The following NDST3 variants were observed in gnomAD, a reference collection of about 807,000 sequenced individuals.
NDST3 encodes the protein bifunctional heparan sulfate N-deacetylase/N-sulfotransferase 3.
NDST3 carries 58 observed loss-of-function variants against 96.1 expected under a neutral mutation model. The ratio of observed to expected loss-of-function variants is 0.60; its 90% CI spans 0.49 to 0.75. The LOEUF is 0.75. Among genes scored for constraint, NDST3 ranks in the 30% least tolerant of loss-of-function variants. The pLI, the probability that NDST3 is intolerant of heterozygous loss-of-function variation, is 0.00. For missense variants in NDST3, 788 were observed against 1,034.2 expected, an observed-to-expected ratio of 0.76 and a Z score of 3.27; for synonymous variants, 333 against 359.7, an observed-to-expected ratio of 0.93 and a Z score of 0.84.
At chr4:118,110,861 C>T (rs982792419) in intron 3 of NDST3, among the ~76,000 whole-genome samples, 3 of 152,040 alleles carry the variant, frequency 2.0e-5, no homozygotes, top group Admixed American at 2.0e-4. Context: ...GACACATGTA[C>T]TCACATGTTC....
chr4:118,252,620 G>C (rs1195517700), intron 12 of NDST3, among the ~76,000 whole-genome samples: 1 of 152,194 alleles, frequency 6.6e-6, no homozygotes, highest in Non-Finnish European at 1.5e-5. Context: ...GCTGGGCACA[G>C]TGGCTCACGC....
chr4:118,147,007 T>A (rs1439055696), intron 6 of NDST3, among the ~76,000 whole-genome samples: 2 of 152,206 alleles, frequency 1.3e-5, no homozygotes, highest in Non-Finnish European at 2.9e-5. Context: ...TAATTTGCAA[T>A]ATAATTTTAT....
chr4:118,076,704 G>A (rs967113677), intron 2 of NDST3, among the ~76,000 whole-genome samples: 3 of 151,990 alleles, frequency 2.0e-5, no homozygotes, highest in African/African-American at 7.2e-5. Context: ...TTGTTTTGTT[G>A]TATTCCTTAG....
Position 118,233,072 on chromosome 4 carries a change from G to A in NDST3, c.1880G>A (p.Ser627Asn), listed in dbSNP as rs1348281605. 2 of 1,612,760 alleles carry A rather than the reference G, an allele frequency of 1.2e-6. No homozygotes were observed. The highest frequency in any genetic ancestry group is 2.7e-5 in the African/African-American group (2 of 74,834). Residue 627 changes from serine (S) to asparagine (N), a missense_variant, in exon 9 of 14, where the codon AGC (serine) becomes AAC (asparagine). By Grantham distance (46) the Ser-to-Asn change is conservative. Around this residue, in one of 3 missense-constraint regions of NDST3, gnomAD observed 490 missense variants for 708.8 expected, o/e 0.69. Transcript: ENST00000296499. Reference sequence around the variant, plus strand: ...CCTTCCATCCTTAGTAACTCCCCCAGCCCAAAAACCTTTGAGGAGGTACAG... The same window carrying A: ...CCTTCCATCCTTAGTAACTCCCCCAACCCAAAAACCTTTGAGGAGGTACAG... ...MHPSILSNSP[S>N]PKTFEEVQFF...
At chr4:118,223,020 A>G (rs1251046802) in intron 6 of NDST3, among the ~76,000 whole-genome samples, 2 of 152,004 alleles carry the variant, frequency 1.3e-5, no homozygotes, top group African/African-American at 2.4e-5. Flanking sequence ...ATAAAGCAAG[A>G]AATTTGAACT....
At chr4:118,253,315 A>T (rs927929764) in intron 12 of NDST3, among the ~76,000 whole-genome samples, 184 bp from the exon 13 acceptor site, 4 of 152,228 alleles carry the variant, frequency 2.6e-5, no homozygotes, top group African/African-American at 9.6e-5. Context: ...ATTTAGAAGT[A>T]TGCCAAAAGA....
intron 6 of NDST3, among the ~76,000 whole-genome samples, chr4:118,203,530 A>C (rs1738233696): frequency 6.6e-6 from 1 of 152,168 alleles, no homozygotes; most frequent in Non-Finnish European, 1.5e-5. Flanking sequence ...TTCCTGATTC[A>C]GTCTTGGAAG....
At position 118,255,712 on chromosome 4, in the gene NDST3, G is replaced by C; in HGVS notation, c.2622G>C (p.Ter874TyrextTer2). Residue 874 changes from the stop codon to tyrosine, a stop_lost, in exon 14 of 14, where the codon TAG (stop) becomes TAC (tyrosine). Coordinates refer to ENST00000296499, the MANE Select transcript of NDST3 (RefSeq NM_004784.3). ...WLRQELQKVR[*>Y] ...GACAGGAGCTGCAGAAAGTAAGATA[G>C]CACTGAGAGAAAACTTGAGACTTCA... The C allele has an allele frequency of 1.9e-6, 3 of 1,607,864 alleles. No individual in the cohort carries two copies. Among genetic ancestry groups the C allele is most frequent in the Non-Finnish European group, 1.7e-6 (2 of 1,176,958 alleles).
intron 2 of NDST3, among the ~76,000 whole-genome samples, chr4:118,089,838 A>G (rs762310733): frequency 2.0e-5 from 3 of 151,966 alleles, no homozygotes; most frequent in Non-Finnish European, 4.4e-5. Context: ...GATGAAAAGT[A>G]AGACATAAAC....
chr4:118,105,897 T>G lies in NDST3; in HGVS notation c.1069+792T>G, dbSNP rs376116282. On this transcript the variant is annotated intron_variant, in intron 3 of 13. Coordinates refer to ENST00000296499, the MANE Select transcript of NDST3 (RefSeq NM_004784.3). ...AATTTTAGTAGAAAATGTCAGTTTTTCAAAATGGTTGTACCTGTTTATATT... is the reference window on the plus strand; with the variant it reads ...AATTTTAGTAGAAAATGTCAGTTTTGCAAAATGGTTGTACCTGTTTATATT... 3.3e-5 allele frequency among the ~76,000 whole-genome samples: 5 copies of G among 152,354 alleles called. 1 individual carries two copies. The East Asian group carries it at 9.6e-4, about 29-fold the overall frequency.
At chr4:118,098,725 G>A (rs1729541413) in intron 2 of NDST3, among the ~76,000 whole-genome samples, 1 of 151,968 alleles carries the variant, frequency 6.6e-6, no homozygotes, top group Non-Finnish European at 1.5e-5. Flanking sequence ...AAATACATAA[G>A]CATTCAGGTG....
At chr4:118,112,953 C>A (rs1321674324) in intron 3 of NDST3, among the ~76,000 whole-genome samples, 2 of 152,018 alleles carry the variant, frequency 1.3e-5, no homozygotes, top group Non-Finnish European at 2.9e-5. Context: ...TGCCACATAG[C>A]ACCTGTGAAA....
At chr4:118,198,381 C>T (rs1052227946) in intron 6 of NDST3, among the ~76,000 whole-genome samples, 1 of 152,034 alleles carries the variant, frequency 6.6e-6, no homozygotes, top group Non-Finnish European at 1.5e-5. Context: ...TACGTTATAA[C>T]CCATTATTTT....
In NDST3 at chr4:118,156,271, C is replaced by T. The variant is rs77237972; in HGVS notation, c.1539+12587C>T. Among the ~76,000 whole-genome samples the T allele has an allele frequency of 5.7e-3, 864 of 152,222 alleles. 10 individuals carry two copies. Among genetic ancestry groups the T allele is most frequent in the African/African-American group, 0.02 (830 of 41,530 alleles). On this transcript the variant is annotated intron_variant, in intron 6 of 13. Transcript: ENST00000296499. ...TGGAATGCCCTCCTGCAAATTTGAACTCATACATCATTTTTTTAAAGAAGA... is the reference window on the plus strand; with the variant it reads ...TGGAATGCCCTCCTGCAAATTTGAATTCATACATCATTTTTTTAAAGAAGA...
At chr4:118,147,754 A>G (rs1734056869) in intron 6 of NDST3, among the ~76,000 whole-genome samples, 1 of 152,178 alleles carries the variant, frequency 6.6e-6, no homozygotes, top group East Asian at 1.9e-4. Flanking sequence ...ACAGGTTTGT[A>G]CTTCTTGTGG....
At chr4:118,104,780 T>A (rs796137527) in intron 2 of NDST3, among the ~76,000 whole-genome samples, 4 of 152,286 alleles carry the variant, frequency 2.6e-5, no homozygotes, top group African/African-American at 9.6e-5. Flanking sequence ...ACTTCCTTTT[T>A]CCAACTGACA....
chr4:118,188,274 C>CATTAATATATGATATATTTATTATATATT (rs1737095309), intron 6 of NDST3, among the ~76,000 whole-genome samples: 4 of 147,966 alleles, frequency 2.7e-5, no homozygotes, highest in African/African-American at 9.8e-5. Context: ...CTATAAATAT[C>CATTAATATATGATATATTTATTATATATT]ATTAATATAT....
intron 2 of NDST3, among the ~76,000 whole-genome samples, chr4:118,059,983 T>C (rs1337019989): frequency 2.6e-5 from 4 of 152,154 alleles, no homozygotes; most frequent in African/African-American, 7.2e-5. Flanking sequence ...ATCCCATTAC[T>C]TCAAATTTGC....
At chr4:118,138,318 A>C in intron 5 of NDST3, 79 bp downstream of exon 5, 4 of 1,258,190 alleles carry the variant, frequency 3.2e-6, no homozygotes, top group South Asian at 1.6e-5. Flanking sequence ...AAAAACACAA[A>C]TGTTAGCAGC....
Sources: allele counts gnomAD v4.1 joint callset (sites outside exome capture counted in the v4.1 genomes callset), GRCh38; gene constraint gnomAD v4.1.1; regional missense constraint gnomAD v4.1.1; transcripts MANE v1.5; gene names NCBI Gene and HGNC (gene_info 2026-07-23, HGNC 2026-07-21).